The following WASHC5 variants were observed in gnomAD, a reference collection of about 807,000 sequenced individuals.
The protein encoded by WASHC5 is WASH complex subunit 5, also known as WASH complex subunit strumpellin.
Under a neutral mutation model 150.4 loss-of-function variants are expected in WASHC5, and 101 were observed. The ratio of observed to expected loss-of-function variants is 0.67; its 90% CI spans 0.57 to 0.79. The LOEUF is 0.79. Ranked by LOEUF, WASHC5 falls within the 30% of genes least tolerant of loss-of-function variation. WASHC5 has a pLI of 0.00. For missense variants in WASHC5, 1,195 were observed against 1,396.3 expected (o/e 0.86, Z 2.30); for synonymous variants, 467 against 491.2 (o/e 0.95, Z 0.65).
At chr8:125,058,442 G>A (rs1420077722) in intron 14 of WASHC5, among the ~76,000 whole-genome samples, 1 of 151,964 alleles carries the variant, frequency 6.6e-6, no homozygotes, top group Non-Finnish European at 1.5e-5. Flanking sequence ...GTACATGGTA[G>A]CTCTGTCAGG....
intron 10 of WASHC5, among the ~76,000 whole-genome samples, chr8:125,064,115 A>G (rs1286874216): frequency 6.6e-6 from 1 of 152,200 alleles, no homozygotes; most frequent in East Asian, 1.9e-4. Context: ...GATTACCTGC[A>G]AAAGTTCTTT....
At chr8:125,081,555 T>C in intron 5 of WASHC5, 106 bp downstream of exon 5, 1 of 784,292 alleles carries the variant, frequency 1.3e-6, no homozygotes, top group Admixed American at 1.7e-5. Flanking sequence ...TATACTTTCT[T>C]ATCTATTCTT....
At chr8:125,056,541 TTAC>T in intron 16 of WASHC5, 133 bp downstream of exon 16, 3 of 994,678 alleles carry the variant, frequency 3.0e-6, no homozygotes, top group Non-Finnish European at 3.2e-6. Flanking sequence ...TAAAACGCGT[TTAC>T]CATTGCAAAT....
chr8:125,053,972 A>T (rs1004969118), intron 17 of WASHC5, among the ~76,000 whole-genome samples: 1 of 152,210 alleles, frequency 6.6e-6, no homozygotes, highest in African/African-American at 2.4e-5. Flanking sequence ...TTGGGATGTA[A>T]CACCACTGTA....
intron 20 of WASHC5, chr8:125,044,975 T>C (rs1283416923): frequency 1.3e-5 from 6 of 448,794 alleles, no homozygotes; most frequent in East Asian, 4.5e-5. Flanking sequence ...CTTGGAATCA[T>C]GCTGAGAAGA....
At chr8:125,049,617 T>G (rs1354338378) in intron 18 of WASHC5, among the ~76,000 whole-genome samples, 1 of 145,796 alleles carries the variant, frequency 6.9e-6, no homozygotes, top group Non-Finnish European at 1.5e-5. Context: ...GAGGCTGAGA[T>G]GGGTGGATCA....
At chr8:125,053,539 T>G (rs922352569) in intron 17 of WASHC5, among the ~76,000 whole-genome samples, 1 of 152,122 alleles carries the variant, frequency 6.6e-6, no homozygotes, top group Non-Finnish European at 1.5e-5. Context: ...GCATGTACAT[T>G]CTCTACACAT....
At chr8:125,061,728 C>T (rs1036832975) in intron 11 of WASHC5, among the ~76,000 whole-genome samples, 3 of 152,148 alleles carry the variant, frequency 2.0e-5, no homozygotes, top group African/African-American at 7.2e-5. Context: ...GCCATTTGCA[C>T]TTAGGAACCG....
intron 28 of WASHC5, among the ~76,000 whole-genome samples, chr8:125,026,157 C>T (rs1815374960): frequency 6.6e-6 from 1 of 152,196 alleles, no homozygotes; most frequent in Admixed American, 6.5e-5. Flanking sequence ...CTTTCACCAA[C>T]CTGATAAGTG....
intron 5 of WASHC5, 142 bp from the exon 6 acceptor site, chr8:125,079,072 T>A (rs1281620869): frequency 5.4e-6 from 3 of 553,478 alleles, no homozygotes; most frequent in Non-Finnish European, 9.6e-6. Flanking sequence ...CCTCAATATA[T>A]CCTCAAGATT....
At chr8:125,066,706 T>C (rs926606873) in intron 10 of WASHC5, among the ~76,000 whole-genome samples, 2 of 152,212 alleles carry the variant, frequency 1.3e-5, no homozygotes, top group African/African-American at 4.8e-5. Context: ...TTCAGCCTCA[T>C]TTCACACTAC....
chr8:125,088,725 A>G (rs980590018), intron 1 of WASHC5, among the ~76,000 whole-genome samples: 1 of 152,136 alleles, frequency 6.6e-6, no homozygotes, highest in African/African-American at 2.4e-5. Flanking sequence ...ATGTTCTAAA[A>G]GCCCCAGAGC....
At chr8:125,036,014 G>A (rs1815691852) in intron 26 of WASHC5, among the ~76,000 whole-genome samples, 1 of 152,156 alleles carries the variant, frequency 6.6e-6, no homozygotes, top group Non-Finnish European at 1.5e-5. Context: ...AAAATATTCT[G>A]ACGAATGACA....
Position 125,038,883 on chromosome 8 carries a change from A to C in WASHC5, c.3031T>G (p.Tyr1011Asp). Residue 1011 changes from tyrosine to aspartate, a missense_variant, in exon 25 of 29, where the codon TAT becomes GAT. Around this residue, in one of 3 missense-constraint regions of WASHC5, gnomAD observed 997 missense variants for 1,168.1 expected, o/e 0.85. Transcript: ENST00000318410. ...PYPKEDNTLL[Y>D]EITAYLEAAG... ...GCCTCCAGATAGGCTGTGATTTCAT[A>C]TAAAAGTGTGTTATCTTCTTTGGGG... 6.2e-7 allele frequency: 1 copy of C among 1,614,160 alleles called. No individual in the cohort carries two copies. The highest frequency in any genetic ancestry group is 8.5e-7 in the Non-Finnish European group (1 of 1,179,970).
At chr8:125,057,368 G>A (rs1306922310) in intron 15 of WASHC5, among the ~76,000 whole-genome samples, 188 bp downstream of exon 15, 1 of 152,194 alleles carries the variant, frequency 6.6e-6, no homozygotes, top group Non-Finnish European at 1.5e-5. Flanking sequence ...TTCCTGGCAA[G>A]TAAAAACATC....
At chr8:125,064,708 T>C (rs1389829427) in intron 10 of WASHC5, among the ~76,000 whole-genome samples, 1 of 152,044 alleles carries the variant, frequency 6.6e-6, no homozygotes, top group Non-Finnish European at 1.5e-5. Flanking sequence ...ACCGGGCTCT[T>C]AGGAGGTAAA....
chr8:125,045,478 C>A (rs1816038216), intron 20 of WASHC5, among the ~76,000 whole-genome samples: 1 of 152,202 alleles, frequency 6.6e-6, no homozygotes, highest in Non-Finnish European at 1.5e-5. Flanking sequence ...CCCTGAGTCC[C>A]TGGTAGAGCT....
rs756442257 is a variant in WASHC5, at chr8:125,059,267, C to T, written c.1719G>A (p.Arg573=). The T allele has an allele frequency of 6.2e-7, 1 of 1,613,956 alleles. No homozygotes were observed. Among genetic ancestry groups the T allele is most frequent in the Non-Finnish European group, 8.5e-7 (1 of 1,179,910 alleles). Residue 573 remains arginine (R), a synonymous_variant, in exon 14 of 29, where the codon AGG becomes AGA. Coordinates refer to ENST00000318410, the MANE Select transcript of WASHC5 (RefSeq NM_014846.4). ...SFTSIMQESI[R]VNPSMVTKLR... ...GTTTAGTAACCATGGATGGATTTAC[C>T]CTTATGCTTTCTTGCATGATGGATG... is the stretch of plus-strand genomic sequence containing the variant.
chr8:125,067,854 G>T, intron 9 of WASHC5, 135 bp from the exon 10 acceptor site: 1 of 864,478 alleles, frequency 1.2e-6, no homozygotes, highest in Non-Finnish European at 1.9e-6. Context: ...ATAAAAGATG[G>T]TGAAATATAG....
Sources: allele counts gnomAD v4.1 joint callset (sites outside exome capture counted in the v4.1 genomes callset), GRCh38; gene constraint gnomAD v4.1.1; regional missense constraint gnomAD v4.1.1; transcripts MANE v1.5; gene names NCBI Gene and HGNC (gene_info 2026-07-23, HGNC 2026-07-21).